Variants in LRP1B observed in about 807,000 individuals in gnomAD.
LRP1B encodes LDL receptor related protein 1B.
LRP1B carries 217 observed loss-of-function variants against 556.6 expected under a neutral mutation model. That is an observed-to-expected ratio of 0.39 (90% CI 0.35 to 0.44). The LOEUF is 0.44. Ranked by LOEUF, LRP1B falls within the 20% of genes least tolerant of loss-of-function variation. LRP1B has a pLI of 1.00. For missense variants in LRP1B, 5,053 were observed against 5,620.8 expected (o/e 0.90, Z 3.23); for synonymous variants, 2,047 against 1,865.8 (o/e 1.10, Z -2.50).
chr2:140,505,366 G>A (rs1038454668), intron 53 of LRP1B, among the ~76,000 whole-genome samples: 4 of 151,816 alleles, frequency 2.6e-5, no homozygotes, highest in Non-Finnish European at 5.9e-5. Flanking sequence ...CACACACCAC[G>A]CTCTCTAGCA....
chr2:141,994,827 C>T (rs1485778499), intron 1 of LRP1B, among the ~76,000 whole-genome samples: 1 of 152,002 alleles, frequency 6.6e-6, no homozygotes, highest in Non-Finnish European at 1.5e-5. Flanking sequence ...CATCTTATGC[C>T]TAGTACTGAA....
At chr2:140,914,422 A>G (rs956333013) in intron 21 of LRP1B, among the ~76,000 whole-genome samples, 1 of 152,198 alleles carries the variant, frequency 6.6e-6, no homozygotes. Context: ...TACATATTCT[A>G]ACAGAAATGA....
chr2:141,110,656 G>T (rs1700728053), intron 7 of LRP1B, among the ~76,000 whole-genome samples: 1 of 151,096 alleles, frequency 6.6e-6, no homozygotes, highest in African/African-American at 2.4e-5. Flanking sequence ...TTTTAACACA[G>T]GTGCAAGTGG....
chr2:141,405,877 G>T (rs928893965), intron 3 of LRP1B, among the ~76,000 whole-genome samples: 1 of 151,918 alleles, frequency 6.6e-6, no homozygotes. Flanking sequence ...TATTTAGTAT[G>T]GCTGATGTTA....
intron 14 of LRP1B, 31 bp from the exon 15 acceptor site, chr2:141,005,488 G>A (rs765200727): frequency 1.2e-6 from 2 of 1,604,922 alleles, no homozygotes; most frequent in Non-Finnish European, 1.7e-6. Context: ...ATGTGTCAGA[G>A]AACTCTGATT....
intron 89 of LRP1B, among the ~76,000 whole-genome samples, chr2:140,237,364 T>C (rs72988730): frequency 0.02 from 3,019 of 151,096 alleles, 86 homozygotes; most frequent in African/African-American, 0.069. Context: ...TATGGCTGAA[T>C]AGCATTTTCT....
At chr2:141,207,837 G>A (rs1484000814) in intron 6 of LRP1B, among the ~76,000 whole-genome samples, 1 of 151,992 alleles carries the variant, frequency 6.6e-6, no homozygotes, top group Non-Finnish European at 1.5e-5. Flanking sequence ...CACCACGCCT[G>A]GCTTATTTTT....
intron 35 of LRP1B, among the ~76,000 whole-genome samples, chr2:140,756,764 G>A (rs1228413193): frequency 6.6e-6 from 1 of 152,060 alleles, no homozygotes; most frequent in Non-Finnish European, 1.5e-5. Flanking sequence ...TTAGGCAATG[G>A]TTTCTTAGAT....
intron 2 of LRP1B, among the ~76,000 whole-genome samples, chr2:141,501,924 T>C (rs1174226057): frequency 6.8e-6 from 1 of 146,870 alleles, no homozygotes; most frequent in Non-Finnish European, 1.5e-5. Flanking sequence ...CTTTTTTTTT[T>C]CCTGTCTGTC....
At chr2:141,562,829 T>G (rs1442668839) in intron 2 of LRP1B, among the ~76,000 whole-genome samples, 1 of 152,014 alleles carries the variant, frequency 6.6e-6, no homozygotes, top group African/African-American at 2.4e-5. Flanking sequence ...CTGGTAATAA[T>G]TGCATATTTT....
At chr2:141,108,426 G>A (rs1700665792) in intron 7 of LRP1B, among the ~76,000 whole-genome samples, 1 of 126,660 alleles carries the variant, frequency 7.9e-6, no homozygotes, top group Non-Finnish European at 1.6e-5. Context: ...TCGGCTCACT[G>A]CAACCTCCTC....
In LRP1B at chr2:140,297,198, A is replaced by G. The variant is rs111404868; in HGVS notation, c.12967+610T>C. ...AAGAAGCTGGGGGGATGTGCTAGTT[A>G]GTGTGAGTTTGCGGCAGCTCTCTTT... On this transcript the variant is annotated intron_variant, in intron 84 of 90. Coordinates refer to ENST00000389484, the MANE Select transcript of LRP1B (RefSeq NM_018557.3). 1.4e-4 allele frequency among the ~76,000 whole-genome samples: 21 copies of G among 152,272 alleles called. 2 individuals are homozygous for G. Among genetic ancestry groups the G allele is most frequent in the African/African-American group, 4.3e-4 (18 of 41,572 alleles).
At chr2:142,045,646 CTAATA>C (rs1444487804) in intron 1 of LRP1B, among the ~76,000 whole-genome samples, 6 of 151,836 alleles carry the variant, frequency 4.0e-5, no homozygotes, top group Non-Finnish European at 8.8e-5. Flanking sequence ...GACATAATAT[CTAATA>C]TATTTAATCG....
intron 43 of LRP1B, among the ~76,000 whole-genome samples, chr2:140,578,739 A>G (rs1374369612): frequency 2.6e-5 from 4 of 152,140 alleles, no homozygotes; most frequent in African/African-American, 9.7e-5. Context: ...TTAAAGTATA[A>G]TAAAAAAAAA....
At chr2:141,107,603 G>A (rs368362575) in intron 7 of LRP1B, among the ~76,000 whole-genome samples, 7 of 152,030 alleles carry the variant, frequency 4.6e-5, no homozygotes, top group African/African-American at 7.2e-5. Flanking sequence ...CTGAGATCGC[G>A]CCACTGCACT....
intron 1 of LRP1B, among the ~76,000 whole-genome samples, chr2:142,046,214 G>A (rs566989218): frequency 2.6e-5 from 4 of 151,942 alleles, no homozygotes; most frequent in South Asian, 4.1e-4. Flanking sequence ...GGGTTGGGGG[G>A]CAGTTTCTAT....
intron 7 of LRP1B, among the ~76,000 whole-genome samples, chr2:141,086,441 T>C (rs1235501482): frequency 6.6e-6 from 1 of 152,216 alleles, no homozygotes; most frequent in East Asian, 1.9e-4. Flanking sequence ...ATTACTATCA[T>C]TATCCTTTTT....
chr2:141,514,434 T>C (rs1247644481), intron 2 of LRP1B, among the ~76,000 whole-genome samples: 3 of 152,186 alleles, frequency 2.0e-5, no homozygotes, highest in Non-Finnish European at 4.4e-5. Context: ...GTCTCTGGGA[T>C]GCTTCTGTTA....
intron 1 of LRP1B, among the ~76,000 whole-genome samples, chr2:142,121,616 C>A (rs774830870): frequency 6.6e-6 from 1 of 152,156 alleles, no homozygotes; most frequent in African/African-American, 2.4e-5. Flanking sequence ...AGGCCTTCTG[C>A]GATTATAACT....
Sources: gnomAD v4.1 joint callset for allele counts (sites outside exome capture counted in the v4.1 genomes callset) on GRCh38, gnomAD v4.1.1 for gene constraint, MANE v1.5 for transcripts, NCBI Gene and HGNC (gene_info 2026-07-23, HGNC 2026-07-21) for gene names.